The following ABCB1 variants were observed in gnomAD, a reference collection of about 807,000 sequenced individuals.
ABCB1 encodes the protein ATP-dependent translocase ABCB1.
A neutral mutation model predicts 142.0 loss-of-function variants in ABCB1; 69 were observed. The observed-to-expected ratio is 0.49, with a 90% confidence interval of 0.40 to 0.59. ABCB1 has a LOEUF of 0.59. Ranked by LOEUF, ABCB1 falls within the 20% of genes least tolerant of loss-of-function variation. The probability of loss-of-function intolerance (pLI) is 0.00; values close to 1 mark genes in which losing one functional copy is unlikely to be tolerated. For synonymous variants in ABCB1, 532 were observed against 539.2 expected (o/e 0.99, Z 0.18); for missense variants, 1,326 against 1,554.7 (o/e 0.85, Z 2.47).
In ABCB1 at chr7:87,570,305, A is replaced by T. The variant is rs34614047; in HGVS notation, c.287-82T>A. ...AAACATGTAAAAATGAATCAAACTCATTTCATTTAATGATTTACATAAAAA... is the reference window on the plus strand; with the variant it reads ...AAACATGTAAAAATGAATCAAACTCTTTTCATTTAATGATTTACATAAAAA... On this transcript the variant is annotated intron_variant, in intron 4 of 27. Transcript: ENST00000622132. The T allele has an allele frequency of 4.4e-4, 562 of 1,272,906 alleles. 4 individuals are homozygous for T. In the South Asian group the frequency reaches 6.4e-3, roughly 14 times the overall value. The allele number at this position is 1,272,906 out of a possible 1,614,324, so 78.9% of individuals were successfully genotyped here. A position where few individuals can be genotyped will look rare whatever the true frequency, so the allele number is the denominator to read the frequency against.
intron 8 of ABCB1, among the ~76,000 whole-genome samples, chr7:87,560,869 G>A (rs1038933271): frequency 3.9e-5 from 6 of 152,064 alleles, no homozygotes; most frequent in African/African-American, 1.5e-4. Flanking sequence ...TCCAAATCAT[G>A]TAGCATATGT....
intron 9 of ABCB1, 70 bp downstream of exon 9, chr7:87,553,691 T>C: frequency 6.7e-7 from 1 of 1,488,628 alleles, no homozygotes; most frequent in Non-Finnish European, 9.4e-7. Context: ...TCTTCTAAAG[T>C]CAAGCCAACA....
At chr7:87,553,598 G>A (rs1488069804) in intron 9 of ABCB1, among the ~76,000 whole-genome samples, 163 bp downstream of exon 9, 3 of 152,174 alleles carry the variant, frequency 2.0e-5, no homozygotes, top group African/African-American at 4.8e-5. Context: ...GGGATTACAG[G>A]TGTGAGCCAC....
At chr7:87,529,995 C>T (rs935712792) in intron 21 of ABCB1, among the ~76,000 whole-genome samples, 8 of 152,304 alleles carry the variant, frequency 5.3e-5, no homozygotes, top group Admixed American at 1.3e-4. Context: ...TGGGGAGGTA[C>T]TACAGCTGGC....
rs2117067506 is a variant in ABCB1 at position 87,509,326 on chromosome 7, C to G, written c.3438G>C (p.Val1146=). ...NSRVVSQEEI[V]RAAKEANIHA... ...GTATGTTGGCCTCCTTTGCTGCCCT[C>G]ACAATCTCTTCCTGTGACACCACCC... The change falls in exon 26 of 28, where the codon GTG becomes GTC. Residue 1146 remains valine, a synonymous_variant. Coordinates refer to ENST00000622132, the MANE Select transcript of ABCB1 (RefSeq NM_001348946.2). The G allele has an allele frequency of 1.9e-6, 3 of 1,614,182 alleles. No individual in the cohort carries two copies. The highest frequency in any genetic ancestry group is 2.2e-5 in the South Asian group (2 of 91,076).
rs575936251 is a variant in ABCB1, at chr7:87,626,217, T to C, written c.-330-25139A>G. On this transcript the variant is annotated intron_variant, in intron 1 of 28. Coordinates refer to the ABCB1 transcript ENST00000265724. Reference sequence around the variant, plus strand: ...ATATATATGTCATATATATGTGTCATATATATGTCATATATATGTGTCATA... The same window carrying C: ...ATATATATGTCATATATATGTGTCACATATATGTCATATATATGTGTCATA... Among the ~76,000 whole-genome samples, 38 of 99,544 alleles carry C rather than the reference T, an allele frequency of 3.8e-4. 3 individuals carry two copies. The highest frequency in any genetic ancestry group is 1.6e-3 in the African/African-American group (35 of 21,718). 65.3% of individuals were successfully genotyped at this position (99,544 alleles called of 152,430 possible). A position where few individuals can be genotyped will look rare whatever the true frequency, so the allele number is the denominator to read the frequency against.
chr7:87,535,082 G>A (rs1422419066), intron 20 of ABCB1, among the ~76,000 whole-genome samples: 1 of 151,688 alleles, frequency 6.6e-6, no homozygotes, highest in Non-Finnish European at 1.5e-5. Flanking sequence ...ATATCTTATA[G>A]CCTTTTGTAT....
At chr7:87,661,824 C>T (rs1824744520) in intron 1 of ABCB1, among the ~76,000 whole-genome samples, 3 of 151,976 alleles carry the variant, frequency 2.0e-5, no homozygotes, top group Admixed American at 2.0e-4. Context: ...TGAGAAACCC[C>T]TATACTTTTC....
chr7:87,561,103 C>T (rs1817546245), intron 8 of ABCB1, among the ~76,000 whole-genome samples, 160 bp downstream of exon 8: 1 of 152,212 alleles, frequency 6.6e-6, no homozygotes, highest in South Asian at 2.1e-4. Context: ...ATTAGAATTG[C>T]AACTTCTCCA....
chr7:87,613,257 C>CTTTTTTTTTTTTTTTTTTTTTTT (rs67823385), intron 1 of ABCB1, among the ~76,000 whole-genome samples: 2 of 64,208 alleles, frequency 3.1e-5, no homozygotes, highest in Non-Finnish European at 5.5e-5. Context: ...TCCTTTATTT[C>CTTTTTTTTTTTTTTTTTTTTTTT]TTTTTTTTTT....
At chr7:87,647,927 G>A (rs1584995245) in intron 1 of ABCB1, among the ~76,000 whole-genome samples, 2 of 152,134 alleles carry the variant, frequency 1.3e-5, no homozygotes, top group African/African-American at 4.8e-5. Flanking sequence ...GCTCATGCCT[G>A]TAATCCCAAC....
intron 1 of ABCB1, among the ~76,000 whole-genome samples, chr7:87,625,498 G>A (rs1297561524): frequency 6.6e-6 from 1 of 152,176 alleles, no homozygotes; most frequent in Non-Finnish European, 1.5e-5. Context: ...ACACACCCAA[G>A]CATCGGTTTT....
At chr7:87,675,783 A>G (rs1243262404) in intron 1 of ABCB1, among the ~76,000 whole-genome samples, 1 of 152,002 alleles carries the variant, frequency 6.6e-6, no homozygotes, top group African/African-American at 2.4e-5. Context: ...AATTTAACAT[A>G]AGACCTGAAA....
intron 22 of ABCB1, among the ~76,000 whole-genome samples, chr7:87,520,295 G>T (rs1416776585): frequency 6.6e-6 from 1 of 152,038 alleles, no homozygotes; most frequent in Non-Finnish European, 1.5e-5. Flanking sequence ...ACTCAGAAAG[G>T]TTGGGCTTGC....
intron 4 of ABCB1, among the ~76,000 whole-genome samples, chr7:87,575,947 G>A (rs1431798621): frequency 6.6e-6 from 1 of 152,044 alleles, no homozygotes; most frequent in Non-Finnish European, 1.5e-5. Flanking sequence ...TAGGATTCCT[G>A]GCCCAGGAAT....
rs1450678405 is a variant in ABCB1 at position 87,628,175 on chromosome 7, G to T, written c.-330-27097C>A. On this transcript the variant is annotated intron_variant, in intron 1 of 28. Transcript: ENST00000265724. ...TGGGGCCCCGCATCCCACAATCCCC[G>T]CGGCTAGCCTGTGTGGCTACTGGCG... Among the ~76,000 whole-genome samples the T allele has an allele frequency of 2.6e-5, 4 of 152,174 alleles. No individual in the cohort carries two copies. In the East Asian group the frequency reaches 5.8e-4, roughly 22 times the overall value.
At chr7:87,695,139 T>G (rs575391893) in intron 1 of ABCB1, among the ~76,000 whole-genome samples, 9 of 152,282 alleles carry the variant, frequency 5.9e-5, no homozygotes, top group Admixed American at 3.3e-4. Context: ...AGATTCAATT[T>G]AAAGTGTAAC....
intron 2 of ABCB1, among the ~76,000 whole-genome samples, chr7:87,598,664 C>T (rs187737354): frequency 6.6e-6 from 1 of 152,280 alleles, no homozygotes; most frequent in East Asian, 1.9e-4. Flanking sequence ...CTCACACTTT[C>T]TTTCAGTTTC....
At chr7:87,532,841 T>A (rs991513441) in intron 20 of ABCB1, among the ~76,000 whole-genome samples, 1 of 152,168 alleles carries the variant, frequency 6.6e-6, no homozygotes, top group African/African-American at 2.4e-5. Flanking sequence ...AAGAACCCTC[T>A]TTCAAGGTCT....
Sources: allele counts gnomAD v4.1 joint callset (sites outside exome capture counted in the v4.1 genomes callset), GRCh38; gene constraint gnomAD v4.1.1; transcripts MANE v1.5; gene names NCBI Gene and HGNC (gene_info 2026-07-23, HGNC 2026-07-21).